The following SLC24A2 variants were observed in gnomAD, a reference collection of about 807,000 sequenced individuals.
SLC24A2 encodes the protein solute carrier family 24 member 2.
SLC24A2 carries 36 observed loss-of-function variants against 62.0 expected under a neutral mutation model. The observed-to-expected ratio is 0.58, with a 90% CI of 0.44 to 0.77. SLC24A2 has a LOEUF of 0.77. Ranked by LOEUF, SLC24A2 falls within the 30% of genes least tolerant of loss-of-function variation. The probability of loss-of-function intolerance (pLI) is 0.00; values close to 1 mark genes in which losing one functional copy is unlikely to be tolerated. For synonymous variants in SLC24A2, 358 were observed against 294.0 expected (o/e 1.22, Z -2.23); for missense variants, 846 against 817.9 (o/e 1.03, Z -0.42).
chr9:20,287,014 G>A, the SLC24A2 span, among the ~76,000 whole-genome samples: 1 of 152,144 alleles, frequency 6.6e-6, no homozygotes, highest in Non-Finnish European at 1.5e-5. Flanking sequence ...CCCTACCCCA[G>A]GGCTTTGGAT....
chr9:19,619,519 G>A, intron 4 of SLC24A2, 65 bp downstream of exon 4: 1 of 1,237,018 alleles, frequency 8.1e-7, no homozygotes, highest in Non-Finnish European at 1.2e-6. Context: ...CACGTTTTAT[G>A]CAGAGAAGCC....
the SLC24A2 span, among the ~76,000 whole-genome samples, chr9:20,235,009 T>G: frequency 1.3e-5 from 2 of 152,240 alleles, no homozygotes; most frequent in African/African-American, 4.8e-5. Flanking sequence ...CCTGTTCACC[T>G]GGGTATCAGC....
intron 2 of SLC24A2, among the ~76,000 whole-genome samples, chr9:19,635,729 A>C (rs1351617678): frequency 2.0e-5 from 3 of 152,226 alleles, no homozygotes; most frequent in African/African-American, 7.2e-5. Flanking sequence ...CATTAGATTC[A>C]TTTTTAACAT....
intron 8 of SLC24A2, among the ~76,000 whole-genome samples, chr9:19,539,355 T>G (rs1202030165): frequency 2.7e-5 from 4 of 149,572 alleles, no homozygotes; most frequent in East Asian, 2.0e-4. Flanking sequence ...GCTATAAATT[T>G]CCCTCTACAC....
At chr9:19,755,129 G>A (rs999275028) in intron 2 of SLC24A2, among the ~76,000 whole-genome samples, 5 of 152,216 alleles carry the variant, frequency 3.3e-5, no homozygotes, top group East Asian at 1.9e-4. Context: ...TCCTGGTCCC[G>A]CCTCTAGCTT....
the SLC24A2 span, among the ~76,000 whole-genome samples, chr9:20,064,702 G>A: frequency 6.6e-6 from 1 of 152,182 alleles, no homozygotes; most frequent in Non-Finnish European, 1.5e-5. Context: ...TTTAGATGGG[G>A]GCTACCTTTC....
At chr9:20,248,944 C>T in the SLC24A2 span, among the ~76,000 whole-genome samples, 2 of 152,164 alleles carry the variant, frequency 1.3e-5, no homozygotes, top group Non-Finnish European at 2.9e-5. Flanking sequence ...CCTTTCTCCC[C>T]CTGGAAGTTG....
the SLC24A2 span, among the ~76,000 whole-genome samples, chr9:20,134,225 G>C: frequency 6.6e-6 from 1 of 152,162 alleles, no homozygotes; most frequent in Non-Finnish European, 1.5e-5. Context: ...CAATGCTTCA[G>C]GTGGATGAAC....
the SLC24A2 span, among the ~76,000 whole-genome samples, chr9:19,996,576 C>T: frequency 6.6e-6 from 1 of 151,716 alleles, no homozygotes; most frequent in Admixed American, 6.6e-5. Flanking sequence ...CCTGTCTCTA[C>T]TAAAAAAATA....
chr9:20,092,713 T>C, the SLC24A2 span, among the ~76,000 whole-genome samples: 8 of 152,332 alleles, frequency 5.3e-5, no homozygotes, highest in African/African-American at 1.9e-4. Flanking sequence ...TCACCACCCA[T>C]AGTTACCATT....
the SLC24A2 span, among the ~76,000 whole-genome samples, chr9:20,281,267 C>T: frequency 6.6e-6 from 1 of 152,146 alleles, no homozygotes; most frequent in Non-Finnish European, 1.5e-5. Flanking sequence ...ACTACAACAG[C>T]ACTCTTTATC....
At chr9:20,141,008 C>G in the SLC24A2 span, among the ~76,000 whole-genome samples, 1 of 152,092 alleles carries the variant, frequency 6.6e-6, no homozygotes, top group Non-Finnish European at 1.5e-5. Flanking sequence ...CCTTTATCAT[C>G]TCTCCTCTCC....
the SLC24A2 span, among the ~76,000 whole-genome samples, chr9:20,028,953 T>C: frequency 6.6e-6 from 1 of 152,236 alleles, no homozygotes; most frequent in African/African-American, 2.4e-5. Flanking sequence ...CAGCCGTTTC[T>C]GTTTCCTCTA....
chr9:20,153,612 T>C, the SLC24A2 span, among the ~76,000 whole-genome samples: 1 of 151,876 alleles, frequency 6.6e-6, no homozygotes, highest in African/African-American at 2.4e-5. Flanking sequence ...TTGTAATTAT[T>C]GTTCTATGAT....
In SLC24A2 at chr9:19,516,523, C is replaced by G. The variant is rs566713857; in HGVS notation, c.1737-121G>C. ...AGGAACTCTAAACTGAAAAGGGTGT[C>G]TTGTTAGGTTCACTATGACTCGGGC... On this transcript the variant is annotated intron_variant, in intron 10 of 10. Coordinates refer to ENST00000341998, the MANE Select transcript of SLC24A2 (RefSeq NM_020344.4). 33 of 1,236,744 alleles carry G rather than the reference C, an allele frequency of 2.7e-5. No homozygotes were observed. The African/African-American group carries it at 4.7e-4, about 17-fold the overall frequency. 76.6% of individuals were successfully genotyped at this position (1,236,744 alleles called of 1,614,324 possible).
the SLC24A2 span, among the ~76,000 whole-genome samples, chr9:20,083,174 A>C: frequency 6.6e-6 from 1 of 152,242 alleles, no homozygotes. Context: ...ATTGGAGTAC[A>C]TATACTCAGG....
intron 2 of SLC24A2, among the ~76,000 whole-genome samples, chr9:19,698,660 TAA>T (rs534223346): frequency 7.9e-4 from 120 of 152,276 alleles, no homozygotes; most frequent in African/African-American, 2.1e-3. Flanking sequence ...TCTGGGGATA[TAA>T]AGAGAAACAA....
chr9:20,128,484 ATAATTT>A, the SLC24A2 span, among the ~76,000 whole-genome samples: 22 of 152,188 alleles, frequency 1.4e-4, no homozygotes, highest in Admixed American at 2.0e-4. Flanking sequence ...TAGAGTAATT[ATAATTT>A]TAACTATTGG....
the SLC24A2 span, among the ~76,000 whole-genome samples, chr9:19,945,650 T>C: frequency 6.6e-6 from 1 of 152,192 alleles, no homozygotes; most frequent in Non-Finnish European, 1.5e-5. Flanking sequence ...GATACTCCTT[T>C]GAATTAGGAG....
Sources: allele counts gnomAD v4.1 joint callset (sites outside exome capture counted in the v4.1 genomes callset), GRCh38; gene constraint gnomAD v4.1.1; transcripts MANE v1.5; gene names NCBI Gene and HGNC (gene_info 2026-07-23, HGNC 2026-07-21).